The following NFYC variants were observed in gnomAD, a reference collection of about 807,000 sequenced individuals.
The protein encoded by NFYC is nuclear transcription factor Y subunit gamma, also known as CAAT box DNA-binding protein subunit C.
Under a neutral mutation model 53.1 loss-of-function variants are expected in NFYC, and 25 were observed. That is an observed-to-expected ratio of 0.47 (90% CI 0.34 to 0.66). The LOEUF (loss-of-function observed/expected upper bound fraction) is 0.66, where lower values mean the gene tolerates loss of function less well. NFYC is among the 30% of genes least tolerant of loss of function. The pLI is 0.01. For synonymous variants in NFYC, 145 were observed against 152.6 expected (o/e 0.95, Z 0.37); for missense variants, 260 against 422.7 (o/e 0.62, Z 3.38).
chr1:40,770,750 G>C lies in NFYC; in HGVS notation c.930G>C (p.Gln310His), dbSNP rs1647050767. Residue 310 changes from glutamine (Q) to histidine (H), a missense_variant, in exon 10 of 10, where the codon CAG (glutamine) becomes CAC (histidine). By Grantham distance (24) the Gln-to-His change is conservative (BLOSUM62 0). Coordinates refer to ENST00000447388, the MANE Select transcript of NFYC (RefSeq NM_014223.5). This position sits in a 1 kb window ranked among gnomAD's most constrained non-coding sequence, Gnocchi z 5.3. ...QIQQVTMPAG[Q>H]DLAQPMFIQS... ...AGCAAGTCACCATGCCTGCGGGCCAGGACCTCGCCCAGCCCATGTTCATCC... is the reference window on the plus strand; with the variant it reads ...AGCAAGTCACCATGCCTGCGGGCCACGACCTCGCCCAGCCCATGTTCATCC... The C allele has an allele frequency of 6.2e-7, 1 of 1,613,826 alleles. No individual in the cohort carries two copies. The highest frequency in any genetic ancestry group is 8.5e-7 in the Non-Finnish European group (1 of 1,180,054).
At chr1:40,747,693 TAAAC>T in intron 3 of NFYC, 88 bp downstream of exon 3, 1 of 872,048 alleles carries the variant, frequency 1.1e-6, no homozygotes, top group Non-Finnish European at 1.8e-6. Flanking sequence ...AAAGTTTAAT[TAAAC>T]AAGAACACAC....
At chr1:40,703,962 T>C (rs1643569431) in intron 1 of NFYC, among the ~76,000 whole-genome samples, 1 of 152,212 alleles carries the variant, frequency 6.6e-6, no homozygotes, top group East Asian at 1.9e-4. Context: ...AGCAGGTAGC[T>C]ATGATTCAGA....
rs1483907383 is a variant in NFYC, at chr1:40,771,584, A to G, written c.*756A>G. 3 of 337,916 alleles carry G rather than the reference A, an allele frequency of 8.9e-6. No individual in the cohort carries two copies. Among genetic ancestry groups the G allele is most frequent in the South Asian group, 2.3e-5 (1 of 42,910 alleles). 20.9% of individuals were successfully genotyped at this position (337,916 alleles called of 1,614,324 possible). A position where few individuals can be genotyped will look rare whatever the true frequency, so the allele number is the denominator to read the frequency against. On this transcript the variant is annotated 3_prime_UTR_variant, in exon 10 of 10. Transcript: ENST00000447388. Reference sequence around the variant, plus strand: ...TGGACTTCAAGCTGCATGAAATGCAATAAATCTCATTTTAGATAATTTAGA... The same window carrying G: ...TGGACTTCAAGCTGCATGAAATGCAGTAAATCTCATTTTAGATAATTTAGA...
intron 7 of NFYC, 93 bp from the exon 8 acceptor site, chr1:40,766,502 TA>T (rs1481648028): frequency 7.1e-5 from 64 of 895,254 alleles, no homozygotes; most frequent in Non-Finnish European, 1.1e-4. Context: ...GCTTGAGGGG[TA>T]GGGGGCAATC....
chr1:40,763,395 G>A (rs1646659275), intron 7 of NFYC: 1 of 454,620 alleles, frequency 2.2e-6, no homozygotes, highest in Non-Finnish European at 4.4e-6. Context: ...TCAGACTGAT[G>A]AAGTGCAGTG....
chr1:40,706,421 G>A (rs1034034905), intron 1 of NFYC, among the ~76,000 whole-genome samples: 1 of 152,086 alleles, frequency 6.6e-6, no homozygotes, highest in South Asian at 2.1e-4. Flanking sequence ...CAGAGTGATA[G>A]GGCAGACCAC....
At chr1:40,761,921 A>C (rs1570715808) in intron 6 of NFYC, among the ~76,000 whole-genome samples, 2 of 151,648 alleles carry the variant, frequency 1.3e-5, no homozygotes, top group South Asian at 2.1e-4. Context: ...CCACGCCCAC[A>C]CCCCCGCCAC....
At position 40,753,208 on chromosome 1, in the gene NFYC, A is replaced by G; in HGVS notation, c.349A>G (p.Ile117Val). The G allele has an allele frequency of 6.2e-7, 1 of 1,614,006 alleles. No individual in the cohort carries two copies. Among genetic ancestry groups the G allele is most frequent in the Non-Finnish European group, 8.5e-7 (1 of 1,179,906 alleles). ...KFDQFDFLIDIVPRDELKPPK... is the reference protein window; with the variant it reads ...KFDQFDFLIDVVPRDELKPPK... ...TGATCAGTTTGATTTTCTCATCGATATTGTTCCAAGAGATGAACTGAAACC... is the reference window on the plus strand; with the variant it reads ...TGATCAGTTTGATTTTCTCATCGATGTTGTTCCAAGAGATGAACTGAAACC... Residue 117 changes from isoleucine (I) to valine (V), a missense_variant, in exon 5 of 10, where the codon ATT becomes GTT. Coordinates refer to ENST00000447388, the MANE Select transcript of NFYC (RefSeq NM_014223.5).
intron 1 of NFYC, among the ~76,000 whole-genome samples, chr1:40,694,065 C>G (rs1203216089): frequency 6.6e-6 from 1 of 152,142 alleles, no homozygotes; most frequent in Admixed American, 6.5e-5. Context: ...AATCTGCATT[C>G]CTTAAAACCA....
chr1:40,753,242 G>A lies in NFYC; in HGVS notation c.383G>A (p.Arg128His), dbSNP rs767347961. The change falls in exon 5 of 10, where the codon CGT becomes CAT. Residue 128 changes from arginine (R) to histidine (H), a missense_variant. Transcript: ENST00000447388. ...AGAGATGAACTGAAACCTCCAAAGC[G>A]TCAGGTGAGCTGTGAAGGGATTGCA... ...VPRDELKPPK[R>H]QEEVRQSVTP... 4 of 1,612,512 alleles carry A rather than the reference G, an allele frequency of 2.5e-6. No homozygotes were observed. Among genetic ancestry groups the A allele is most frequent in the East Asian group, 2.2e-5 (1 of 44,870 alleles).
At chr1:40,733,352 T>A (rs1037143013) in intron 1 of NFYC, among the ~76,000 whole-genome samples, 4 of 150,828 alleles carry the variant, frequency 2.7e-5, no homozygotes, top group Admixed American at 6.6e-5. Flanking sequence ...AGTAATTGAG[T>A]TGAGTGCCTG....
At chr1:40,719,782 G>C (rs1483187184) in intron 1 of NFYC, among the ~76,000 whole-genome samples, 1 of 152,144 alleles carries the variant, frequency 6.6e-6, no homozygotes, top group African/African-American at 2.4e-5. Context: ...AGAAGGAGAA[G>C]ATTTAATGAA....
At chr1:40,721,247 G>A (rs1012470474) in intron 1 of NFYC, among the ~76,000 whole-genome samples, 3 of 152,212 alleles carry the variant, frequency 2.0e-5, no homozygotes, top group African/African-American at 7.2e-5. Context: ...TCTTATCAAT[G>A]CTATTGCAGA....
At chr1:40,715,944 C>T (rs897941623) in intron 1 of NFYC, among the ~76,000 whole-genome samples, 1 of 152,174 alleles carries the variant, frequency 6.6e-6, no homozygotes, top group African/African-American at 2.4e-5. Context: ...ATCCTTTCTT[C>T]TTGGAAGTAC....
chr1:40,763,086 A>T (rs999786961), intron 7 of NFYC, 40 bp downstream of exon 7: 1 of 1,501,586 alleles, frequency 6.7e-7, no homozygotes, highest in Non-Finnish European at 8.9e-7. Context: ...AACTTTATAG[A>T]AGGAAATACT....
rs2148799150 is a variant in NFYC at position 40,766,632 on chromosome 1, T to C, written c.757T>C (p.Leu253=). Residue 253 remains leucine (L), a synonymous_variant, in exon 8 of 10, where the codon TTA becomes CTA. Transcript: ENST00000447388. ...TGCCGGCCAGCTGCAGTATATCCGC[T>C]TAGCCCAGCCTGTATCAGGCACTCA... ...LNAGQLQYIR[L]AQPVSGTQVV... The C allele has an allele frequency of 6.2e-7, 1 of 1,614,152 alleles. No individual in the cohort carries two copies. Among genetic ancestry groups the C allele is most frequent in the Admixed American group, 1.7e-5 (1 of 60,018 alleles).
intron 1 of NFYC, among the ~76,000 whole-genome samples, chr1:40,726,106 T>TG (rs1269807813): frequency 2.8e-5 from 3 of 107,472 alleles, no homozygotes; most frequent in Non-Finnish European, 6.7e-5. Flanking sequence ...TGTGTATGTG[T>TG]TTGTGTGTGT....
At chr1:40,747,244 GA>G (rs11377810) in intron 2 of NFYC, among the ~76,000 whole-genome samples, 42 of 133,956 alleles carry the variant, frequency 3.1e-4, no homozygotes, top group African/African-American at 5.9e-4. Flanking sequence ...TTGTGCTGAC[GA>G]AAAAAAAAAA....
intron 1 of NFYC, among the ~76,000 whole-genome samples, chr1:40,718,514 C>T (rs142875185): frequency 1.4e-4 from 21 of 152,272 alleles, no homozygotes; most frequent in East Asian, 3.9e-4. Context: ...ACAGGCTAAT[C>T]GTAAAGGGAA....
Sources: allele counts gnomAD v4.1 joint callset (sites outside exome capture counted in the v4.1 genomes callset), GRCh38; gene constraint gnomAD v4.1.1; non-coding constraint Gnocchi (gnomAD v3.1); transcripts MANE v1.5; gene names NCBI Gene and HGNC (gene_info 2026-07-23, HGNC 2026-07-21).